Variants in CDH13 observed in about 807,000 individuals in gnomAD.
The protein encoded by CDH13 is cadherin-13.
In CDH13, 24 loss-of-function variants were observed where a neutral mutation model predicts 63.8. The observed-to-expected ratio is 0.38, with a 90% CI of 0.27 to 0.53. The LOEUF is 0.53. Among genes scored for constraint, CDH13 ranks in the 20% least tolerant of loss-of-function variants. The probability of loss-of-function intolerance (pLI) is 0.85; values close to 1 mark genes in which losing one functional copy is unlikely to be tolerated. For synonymous variants in CDH13, 503 were observed against 355.3 expected, an observed-to-expected ratio of 1.42 and a Z score of -4.67; for missense variants, 1,049 against 903.1, an observed-to-expected ratio of 1.16 and a Z score of -2.07.
chr16:83,500,961 G>A (rs6563918), intron 7 of CDH13, among the ~76,000 whole-genome samples: 151,423 of 152,260 alleles, frequency 0.99, 75,305 homozygotes, highest in Middle Eastern at 1. Context: ...CTCCGTTAAT[G>A]TTTTTAAGAT....
intron 6 of CDH13, among the ~76,000 whole-genome samples, chr16:83,362,396 T>C (rs76668663): frequency 0.052 from 7,910 of 152,318 alleles, 287 homozygotes; most frequent in Non-Finnish European, 0.075. Flanking sequence ...GCAAAATGTG[T>C]AAGTGAAAGA....
At position 82,943,838 on chromosome 16, in the gene CDH13, T is replaced by C. The variant is rs183255352; in HGVS notation, c.157+85365T>C. On this transcript the variant is annotated intron_variant, in intron 2 of 13. Transcript: ENST00000567109. ...TGCTATTAATAATGACTTAGTTTTC[T>C]TTGTCAAGCAATCGGCTTGCCACAT... 2.7e-3 allele frequency among the ~76,000 whole-genome samples: 405 copies of C among 152,356 alleles called. 3 individuals carry two copies. Among genetic ancestry groups the C allele is most frequent in the Admixed American group, 4.9e-3 (75 of 15,304 alleles).
At chr16:82,969,136 A>G (rs573913565) in intron 2 of CDH13, among the ~76,000 whole-genome samples, 1 of 152,208 alleles carries the variant, frequency 6.6e-6, no homozygotes. Flanking sequence ...AACATTTTTA[A>G]TTATTTAAAA....
intron 3 of CDH13, among the ~76,000 whole-genome samples, chr16:83,099,459 G>T (rs1233767272): frequency 6.6e-6 from 1 of 151,646 alleles, no homozygotes; most frequent in Middle Eastern, 3.4e-3. Context: ...GAGTAGCTGG[G>T]ATTACAGGCA....
intron 7 of CDH13, among the ~76,000 whole-genome samples, chr16:83,521,747 G>A (rs73605872): frequency 0.021 from 3,242 of 152,286 alleles, 131 homozygotes; most frequent in African/African-American, 0.075. Context: ...CAACCTGGGT[G>A]CATGGAACCA....
At chr16:83,015,448 G>T (rs1263385838) in intron 2 of CDH13, among the ~76,000 whole-genome samples, 6 of 151,274 alleles carry the variant, frequency 4.0e-5, no homozygotes, top group Non-Finnish European at 4.4e-5. Flanking sequence ...TTTTCTGCCT[G>T]ATATCTTCCC....
intron 6 of CDH13, among the ~76,000 whole-genome samples, chr16:83,458,253 T>A (rs1283397379): frequency 6.6e-6 from 1 of 152,184 alleles, no homozygotes; most frequent in Non-Finnish European, 1.5e-5. Context: ...TTTGGGCTGT[T>A]CCTTTGTTGA....
chr16:82,991,531 G>A (rs974192618), intron 2 of CDH13, among the ~76,000 whole-genome samples: 10 of 152,176 alleles, frequency 6.6e-5, no homozygotes, highest in Middle Eastern at 6.8e-3. Context: ...GTCCAATTTA[G>A]CTCTTATAAA....
chr16:83,153,723 A>G lies in CDH13; in HGVS notation c.483+28222A>G, dbSNP rs117085862. Among the ~76,000 whole-genome samples, 133 of 152,314 alleles carry G rather than the reference A, an allele frequency of 8.7e-4. 2 individuals are homozygous for G. The East Asian group carries it at 0.022, about 26-fold the overall frequency. Reference sequence around the variant, plus strand: ...AACAGATTCTCCCTTAGAGACTCAGAAGGAACCAACCCTGGCATTACCTTG... The same window carrying G: ...AACAGATTCTCCCTTAGAGACTCAGGAGGAACCAACCCTGGCATTACCTTG... On this transcript the variant is annotated intron_variant, in intron 4 of 13. Transcript: ENST00000567109.
At chr16:83,428,925 C>G (rs746283813) in intron 6 of CDH13, among the ~76,000 whole-genome samples, 2 of 152,216 alleles carry the variant, frequency 1.3e-5, no homozygotes, top group African/African-American at 4.8e-5. Flanking sequence ...TTACATTTAT[C>G]TTTAATAACC....
At chr16:83,016,040 C>T (rs980388178) in intron 2 of CDH13, among the ~76,000 whole-genome samples, 7 of 151,892 alleles carry the variant, frequency 4.6e-5, no homozygotes, top group African/African-American at 1.7e-4. Context: ...AATGAGATAC[C>T]TTTAACAAGT....
In CDH13 at chr16:82,853,568, A is replaced by G. The variant is rs114862070; in HGVS notation, c.46-4794A>G. ...TGAGACACAGAAGGTTACTTGCCCA[A>G]GGATAGCCCGCTGGTAAACGAGATT... On this transcript the variant is annotated intron_variant, in intron 1 of 13. Transcript: ENST00000567109. Among the ~76,000 whole-genome samples the G allele has an allele frequency of 4.7e-4, 72 of 152,208 alleles. 1 individual carries two copies. Among genetic ancestry groups the G allele is most frequent in the Non-Finnish European group, 1.5e-4 (10 of 68,036 alleles).
At chr16:82,787,781 T>C (rs955411326) in intron 1 of CDH13, among the ~76,000 whole-genome samples, 2 of 137,778 alleles carry the variant, frequency 1.5e-5, no homozygotes, top group African/African-American at 5.4e-5. Context: ...GTTTTTTCTC[T>C]AGAAAAGTTA....
chr16:83,605,285 G>A (rs1445337413), intron 8 of CDH13, among the ~76,000 whole-genome samples: 5 of 152,166 alleles, frequency 3.3e-5, no homozygotes, highest in African/African-American at 9.7e-5. Context: ...GATATTAAAT[G>A]TCCCAAAGGA....
chr16:83,412,423 A>G (rs1468463320), intron 6 of CDH13, among the ~76,000 whole-genome samples: 2 of 152,166 alleles, frequency 1.3e-5, no homozygotes, highest in African/African-American at 2.4e-5. Context: ...GTTCACAGCA[A>G]TGCACTCCAG....
At chr16:83,007,630 G>C (rs1913670420) in intron 2 of CDH13, among the ~76,000 whole-genome samples, 1 of 152,182 alleles carries the variant, frequency 6.6e-6, no homozygotes, top group African/African-American at 2.4e-5. Flanking sequence ...AGGAGTTTGA[G>C]ACCAGCCTAG....
chr16:82,791,248 A>G (rs899877419), intron 1 of CDH13, among the ~76,000 whole-genome samples: 1 of 152,098 alleles, frequency 6.6e-6, no homozygotes, highest in African/African-American at 2.4e-5. Context: ...AAAAAAAAAA[A>G]AAAAAAAAAA....
intron 7 of CDH13, among the ~76,000 whole-genome samples, chr16:83,488,023 A>G (rs2073931053): frequency 6.6e-6 from 1 of 152,224 alleles, no homozygotes; most frequent in Admixed American, 6.5e-5. Flanking sequence ...TTGTCTCTGA[A>G]GAAGATTCTC....
At chr16:82,877,035 C>T (rs1239877240) in intron 2 of CDH13, among the ~76,000 whole-genome samples, 1 of 152,158 alleles carries the variant, frequency 6.6e-6, no homozygotes, top group Admixed American at 6.5e-5. Context: ...AACAAGACTA[C>T]ATTTATGAGA....
Sources: allele counts gnomAD v4.1 joint callset (sites outside exome capture counted in the v4.1 genomes callset), GRCh38; gene constraint gnomAD v4.1.1; transcripts MANE v1.5; gene names NCBI Gene and HGNC (gene_info 2026-07-23, HGNC 2026-07-21).